Variants in SUGCT observed in about 807,000 individuals in gnomAD.
SUGCT encodes the protein succinyl-CoA:glutarate-CoA transferase.
In SUGCT, 41 loss-of-function variants were observed where a neutral mutation model predicts 55.0. The ratio of observed to expected loss-of-function variants is 0.74; its 90% confidence interval spans 0.58 to 0.97. The LOEUF (loss-of-function observed/expected upper bound fraction) is 0.97, where lower values mean the gene tolerates loss of function less well. SUGCT is among the 50% of genes least tolerant of loss of function. The probability of loss-of-function intolerance (pLI) is 0.00; values close to 1 mark genes in which losing one functional copy is unlikely to be tolerated. For synonymous variants in SUGCT, 187 were observed against 200.4 expected (o/e 0.93, Z 0.56); for missense variants, 568 against 547.8 (o/e 1.04, Z -0.37).
At chr7:40,560,278 A>G (rs775601242) in intron 12 of SUGCT, among the ~76,000 whole-genome samples, 2 of 152,184 alleles carry the variant, frequency 1.3e-5, no homozygotes, top group African/African-American at 4.8e-5. Flanking sequence ...GCATGCACAT[A>G]TATATATACA....
At chr7:40,807,086 T>C (rs779865452) in intron 13 of SUGCT, among the ~76,000 whole-genome samples, 4 of 152,224 alleles carry the variant, frequency 2.6e-5, no homozygotes, top group Non-Finnish European at 5.9e-5. Context: ...GTAATAGCAG[T>C]AGTGTTAGTA....
intron 7 of SUGCT, among the ~76,000 whole-genome samples, chr7:40,271,323 G>T (rs983202923): frequency 1.3e-5 from 2 of 151,996 alleles, no homozygotes; most frequent in Non-Finnish European, 2.9e-5. Context: ...ATAGGCGGGG[G>T]TCTCACTATG....
chr7:40,444,328 C>A (rs552367245), intron 9 of SUGCT, among the ~76,000 whole-genome samples: 6 of 152,284 alleles, frequency 3.9e-5, no homozygotes, highest in African/African-American at 1.4e-4. Flanking sequence ...TGGCCATTTT[C>A]ATGTTATCGA....
intron 13 of SUGCT, among the ~76,000 whole-genome samples, chr7:40,847,145 G>T (rs529961642): frequency 6.6e-6 from 1 of 152,118 alleles, no homozygotes; most frequent in Non-Finnish European, 1.5e-5. Flanking sequence ...AGGCAAGTGG[G>T]TCTCTACACT....
rs554413128 is a variant in SUGCT at position 40,537,794 on chromosome 7, T to G, written c.1089+41408T>G. ...GAAAATGTAATGTTCCTGAAGCGATTTTTTTAAGAAGTCCAAACATGGTCA... is the reference window on the plus strand; with the variant it reads ...GAAAATGTAATGTTCCTGAAGCGATGTTTTTAAGAAGTCCAAACATGGTCA... On this transcript the variant is annotated intron_variant, in intron 12 of 13. Coordinates refer to ENST00000335693, the MANE Select transcript of SUGCT (RefSeq NM_001193313.2). Among the ~76,000 whole-genome samples the G allele has an allele frequency of 7.9e-5, 12 of 152,320 alleles. No individual in the cohort carries two copies. In the East Asian group the frequency reaches 1.7e-3, roughly 22 times the overall value.
At chr7:40,596,558 G>T (rs1167792123) in intron 12 of SUGCT, among the ~76,000 whole-genome samples, 1 of 152,150 alleles carries the variant, frequency 6.6e-6, no homozygotes, top group East Asian at 1.9e-4. Context: ...AACTACCCAA[G>T]AAAATATGAC....
the SUGCT span, among the ~76,000 whole-genome samples, chr7:40,868,451 T>G: frequency 5.3e-5 from 8 of 152,200 alleles, 1 homozygote; most frequent in Non-Finnish European, 1.2e-4. Context: ...TTGAGGATGA[T>G]GGCTTCCAGC....
intron 13 of SUGCT, among the ~76,000 whole-genome samples, chr7:40,794,612 TG>T: frequency 6.6e-6 from 1 of 152,158 alleles, no homozygotes; most frequent in Non-Finnish European, 1.5e-5. Flanking sequence ...TATTGACAGA[TG>T]CTCCTGGGGA....
the SUGCT span, among the ~76,000 whole-genome samples, chr7:40,874,354 G>GA: frequency 6.6e-6 from 1 of 152,320 alleles, no homozygotes; most frequent in East Asian, 1.9e-4. Flanking sequence ...TAGGGGCCTA[G>GA]ATGAGAGATA....
At chr7:40,851,882 A>T (rs1214134555) in intron 13 of SUGCT, among the ~76,000 whole-genome samples, 1 of 152,202 alleles carries the variant, frequency 6.6e-6, no homozygotes, top group East Asian at 1.9e-4. Flanking sequence ...TTTGGTAGAG[A>T]CCTTAGATAG....
chr7:40,985,494 GA>G, the SUGCT span, among the ~76,000 whole-genome samples: 14 of 152,126 alleles, frequency 9.2e-5, no homozygotes, highest in South Asian at 4.2e-4. Context: ...AAATGTGGGG[GA>G]AAAAAATCTC....
intron 12 of SUGCT, among the ~76,000 whole-genome samples, chr7:40,602,781 T>C (rs1798355416): frequency 6.6e-6 from 1 of 152,186 alleles, no homozygotes; most frequent in South Asian, 2.1e-4. Context: ...ATTCTAATCA[T>C]TTCTAGGTGT....
At chr7:40,881,392 T>C in the SUGCT span, among the ~76,000 whole-genome samples, 1 of 152,020 alleles carries the variant, frequency 6.6e-6, no homozygotes, top group Non-Finnish European at 1.5e-5. Context: ...GCAATTCTTC[T>C]GGGGACTCAA....
At chr7:40,761,874 G>GT (rs914193743) in intron 13 of SUGCT, among the ~76,000 whole-genome samples, 12 of 152,154 alleles carry the variant, frequency 7.9e-5, no homozygotes, top group Non-Finnish European at 1.6e-4. Flanking sequence ...ATTTTCTTTT[G>GT]TTTTTTTAGC....
the SUGCT span, among the ~76,000 whole-genome samples, chr7:40,949,084 A>C: frequency 6.6e-6 from 1 of 152,148 alleles, no homozygotes; most frequent in African/African-American, 2.4e-5. Context: ...GTGTAAAAGC[A>C]TTCCTAGTTC....
Position 40,860,636 on chromosome 7 carries a change from T to A in SUGCT, c.*157T>A. On this transcript the variant is annotated 3_prime_UTR_variant, in exon 14 of 14. Coordinates refer to ENST00000335693, the MANE Select transcript of SUGCT (RefSeq NM_001193313.2). ...GGCATCTCCAGAATGGCTCTGGTAT[T>A]AATGAATCTAGTGCCTTTTAAATGT... 1 of 655,056 alleles carries A rather than the reference T, an allele frequency of 1.5e-6. No individual in the cohort carries two copies. The highest frequency in any genetic ancestry group is 2.4e-6 in the Non-Finnish European group (1 of 424,974). The allele number at this position is 655,056 out of a possible 1,614,324, so 40.6% of individuals were successfully genotyped here.
chr7:40,921,038 G>A, the SUGCT span, among the ~76,000 whole-genome samples: 1 of 152,122 alleles, frequency 6.6e-6, no homozygotes, highest in African/African-American at 2.4e-5. Context: ...GTCAGGTACT[G>A]TTAGCTCCAC....
chr7:40,135,443 T>C (rs1787629518), intron 1 of SUGCT, among the ~76,000 whole-genome samples: 1 of 152,236 alleles, frequency 6.6e-6, no homozygotes, highest in African/African-American at 2.4e-5. Flanking sequence ...ACTTCGAAAA[T>C]GCACACCAAG....
the SUGCT span, among the ~76,000 whole-genome samples, chr7:40,949,348 G>C: frequency 1.9e-4 from 29 of 152,198 alleles, no homozygotes; most frequent in South Asian, 5.8e-3. Flanking sequence ...GTAGATTCTG[G>C]ATATTAGCCC....
Sources: gnomAD v4.1 joint callset for allele counts (sites outside exome capture counted in the v4.1 genomes callset) on GRCh38, gnomAD v4.1.1 for gene constraint, MANE v1.5 for transcripts, NCBI Gene and HGNC (gene_info 2026-07-23, HGNC 2026-07-21) for gene names.